The following CHLSN variants were observed in gnomAD, a reference collection of about 807,000 sequenced individuals.
The protein encoded by CHLSN is protein cholesin.
the CHLSN span, chr7:989,356 C>A: frequency 6.3e-6 from 1 of 158,130 alleles, no homozygotes; most frequent in African/African-American, 2.4e-5. Context: ...CCACTGGGGC[C>A]ATGCGTATGA....
the CHLSN span, chr7:1,028,121 G>T: frequency 2.0e-6 from 1 of 501,672 alleles, no homozygotes; most frequent in Non-Finnish European, 2.5e-6. Flanking sequence ...GCAGGGCGGA[G>T]CGGGGCCCGC....
At chr7:1,053,401 G>A in the CHLSN span, among the ~76,000 whole-genome samples, 2 of 152,260 alleles carry the variant, frequency 1.3e-5, no homozygotes, top group African/African-American at 4.8e-5. Flanking sequence ...CAGGGAGCTG[G>A]GTTGGCTGTG....
At chr7:1,121,102 C>T in the CHLSN span, among the ~76,000 whole-genome samples, 3 of 152,204 alleles carry the variant, frequency 2.0e-5, no homozygotes, top group African/African-American at 7.2e-5. Flanking sequence ...AGGAGGGAGC[C>T]GGCCTCCCGC....
chr7:996,372 G>A, the CHLSN span, among the ~76,000 whole-genome samples: 2 of 152,256 alleles, frequency 1.3e-5, no homozygotes, highest in Non-Finnish European at 2.9e-5. Context: ...GCACCCAAGG[G>A]GGCACTCAGG....
At chr7:1,136,097 T>C in the CHLSN span, among the ~76,000 whole-genome samples, 1 of 110,086 alleles carries the variant, frequency 9.1e-6, no homozygotes, top group South Asian at 2.9e-4. Context: ...TATATAAATG[T>C]GTATATAAAT....
chr7:1,038,887 G>A, the CHLSN span, among the ~76,000 whole-genome samples: 4 of 67,826 alleles, frequency 5.9e-5, 1 homozygote, highest in African/African-American at 1.9e-4. Context: ...GAGGTCGGGG[G>A]GTCAGCCCTC....
At chr7:1,070,294 C>G in the CHLSN span, among the ~76,000 whole-genome samples, 1 of 144,820 alleles carries the variant, frequency 6.9e-6, no homozygotes, top group Non-Finnish European at 1.6e-5. Flanking sequence ...GCCGCCCCAT[C>G]CGGGAGGGAG....
At chr7:994,053 G>T in the CHLSN span, among the ~76,000 whole-genome samples, 1 of 152,204 alleles carries the variant, frequency 6.6e-6, no homozygotes, top group African/African-American at 2.4e-5. Context: ...AGGGCCCTTT[G>T]GCCTGGAAAG....
At chr7:1,078,702 C>T in the CHLSN span, among the ~76,000 whole-genome samples, 3 of 152,242 alleles carry the variant, frequency 2.0e-5, no homozygotes, top group East Asian at 1.9e-4. Flanking sequence ...ACCTGGGCTT[C>T]GCTGCCTTAC....
At chr7:1,127,753 A>T in the CHLSN span, among the ~76,000 whole-genome samples, 1 of 47,540 alleles carries the variant, frequency 2.1e-5, no homozygotes. Context: ...GCGCGATCTC[A>T]GCTCATCTCA....
chr7:990,819 C>G, the CHLSN span, among the ~76,000 whole-genome samples: 1 of 152,232 alleles, frequency 6.6e-6, no homozygotes, highest in Admixed American at 6.5e-5. Flanking sequence ...TGGGGCCACG[C>G]GACGCCCCGC....
the CHLSN span, among the ~76,000 whole-genome samples, chr7:1,077,103 A>T: frequency 6.4e-3 from 976 of 152,246 alleles, 14 homozygotes; most frequent in African/African-American, 0.022. Context: ...TGGGCTTACA[A>T]AGGCCTGAGC....
chr7:983,301 G>A, the CHLSN span: 3 of 1,542,288 alleles, frequency 1.9e-6, no homozygotes, highest in Non-Finnish European at 2.6e-6. Context: ...CAGCTGCCCG[G>A]TGGCCCCCGG....
At chr7:1,023,180 C>A in the CHLSN span, among the ~76,000 whole-genome samples, 1 of 152,232 alleles carries the variant, frequency 6.6e-6, no homozygotes, top group Non-Finnish European at 1.5e-5. This position sits in a 1 kb window ranked among gnomAD's most constrained non-coding sequence, Gnocchi z 5.0. Context: ...CAGGGAGACA[C>A]AGACGAGCAG....
the CHLSN span, chr7:985,168 C>G: frequency 6.3e-7 from 1 of 1,581,134 alleles, no homozygotes; most frequent in Non-Finnish European, 8.6e-7. Flanking sequence ...CCTCGCAGGC[C>G]GGCCCTTCCC....
the CHLSN span, chr7:1,127,105 G>T: frequency 2.8e-6 from 2 of 721,822 alleles, no homozygotes; most frequent in Non-Finnish European, 4.1e-6. Flanking sequence ...TCCTACAATC[G>T]CTTCTGGAAG....
chr7:1,029,691 A>T, the CHLSN span, among the ~76,000 whole-genome samples: 1 of 152,080 alleles, frequency 6.6e-6, no homozygotes, highest in East Asian at 1.9e-4. Flanking sequence ...AGGGTCCAGG[A>T]CACACTGAGC....
chr7:1,071,577 G>T, the CHLSN span, among the ~76,000 whole-genome samples: 1 of 149,816 alleles, frequency 6.7e-6, no homozygotes, highest in Non-Finnish European at 1.5e-5. Context: ...GGAGAGGGAG[G>T]AGAAGTACCA....
the CHLSN span, among the ~76,000 whole-genome samples, chr7:1,030,412 C>T: frequency 1.3e-5 from 2 of 152,204 alleles, no homozygotes; most frequent in Non-Finnish European, 2.9e-5. Flanking sequence ...AGAAGCTGGC[C>T]TGGCAGTGGG....
Sources: allele counts gnomAD v4.1 joint callset (sites outside exome capture counted in the v4.1 genomes callset), GRCh38; gene constraint gnomAD v4.1.1; non-coding constraint Gnocchi (gnomAD v3.1); transcripts MANE v1.5; gene names NCBI Gene and HGNC (gene_info 2026-07-23, HGNC 2026-07-21).